RBM20: variants seen among roughly 807,000 people sequenced by gnomAD.
RBM20 encodes the protein RNA-binding protein 20.
A neutral mutation model predicts 110.1 loss-of-function variants in RBM20; 51 were observed. That is an observed-to-expected ratio of 0.46 (90% confidence interval 0.37 to 0.59). The LOEUF (loss-of-function observed/expected upper bound fraction) is 0.59. Ranked by LOEUF, RBM20 falls within the 20% of genes least tolerant of loss-of-function variation. The pLI is 0.00. For missense variants in RBM20, 1,512 were observed against 1,574.9 expected (o/e 0.96, Z 0.68); for synonymous variants, 589 against 618.2 (o/e 0.95, Z 0.70).
chr10:110,810,795 G>A (rs559041723), intron 8 of RBM20, among the ~76,000 whole-genome samples: 5 of 137,466 alleles, frequency 3.6e-5, no homozygotes, highest in East Asian at 2.1e-4. Flanking sequence ...AAAGTAATGC[G>A]TGTGTGTGTG....
rs574602364 is a variant in RBM20, at chr10:110,782,645, T to C, written c.1276-721T>C. ...GAGATGAGATGACTTACTCAGCCCC[T>C]TCTCCCCGCCACCTCCCCAGCTTGA... On this transcript the variant is annotated intron_variant, in intron 2 of 13. Coordinates refer to ENST00000369519, the MANE Select transcript of RBM20 (RefSeq NM_001134363.3). 6.6e-4 allele frequency among the ~76,000 whole-genome samples: 100 copies of C among 152,320 alleles called. 1 individual carries two copies. The highest frequency in any genetic ancestry group is 1.3e-3 in the Non-Finnish European group (86 of 68,028).
intron 1 of RBM20, among the ~76,000 whole-genome samples, chr10:110,664,695 C>T (rs1282705719): frequency 6.6e-6 from 1 of 151,768 alleles, no homozygotes; most frequent in Non-Finnish European, 1.5e-5. Flanking sequence ...TGCAGTGAGC[C>T]GAGATGGTGC....
intron 2 of RBM20, among the ~76,000 whole-genome samples, chr10:110,782,218 C>T (rs1426889604): frequency 4.6e-5 from 7 of 152,162 alleles, no homozygotes; most frequent in Non-Finnish European, 1.0e-4. Context: ...GGGCTTCTCC[C>T]CCGTAGTATG....
At chr10:110,833,916 C>G (rs554175590) in intron 13 of RBM20, among the ~76,000 whole-genome samples, 3 of 152,228 alleles carry the variant, frequency 2.0e-5, no homozygotes, top group East Asian at 1.9e-4. Context: ...CAGCCTCCCC[C>G]ACCCCAAGCA....
intron 1 of RBM20, among the ~76,000 whole-genome samples, chr10:110,678,199 A>C (rs976917917): frequency 6.6e-6 from 1 of 152,266 alleles, no homozygotes; most frequent in Non-Finnish European, 1.5e-5. Context: ...GGGAGTACTC[A>C]AAAGTTTATC....
chr10:110,769,201 C>G (rs1203084702), intron 1 of RBM20, among the ~76,000 whole-genome samples: 2 of 152,210 alleles, frequency 1.3e-5, no homozygotes, highest in Admixed American at 6.5e-5. Context: ...CAAGTAATTC[C>G]TAAGTGCCAC....
rs149517127 is a variant in RBM20 at position 110,736,084 on chromosome 10, A to G, written c.192-44717A>G. 3.4e-4 allele frequency among the ~76,000 whole-genome samples: 52 copies of G among 152,316 alleles called. 2 individuals carry two copies. The East Asian group carries it at 8.9e-3, about 26-fold the overall frequency. On this transcript the variant is annotated intron_variant, in intron 1 of 13. Transcript: ENST00000369519. ...TTGCCCAGAACATTCACACTTTCAGACCTGGAGATGAAACACAATTTTTTG... is the reference window on the plus strand; with the variant it reads ...TTGCCCAGAACATTCACACTTTCAGGCCTGGAGATGAAACACAATTTTTTG...
chr10:110,824,209 C>T (rs1844954034), intron 12 of RBM20, among the ~76,000 whole-genome samples: 1 of 152,184 alleles, frequency 6.6e-6, no homozygotes, highest in Non-Finnish European at 1.5e-5. Context: ...ATGCTTTATT[C>T]TTGATGACAT....
intron 1 of RBM20, among the ~76,000 whole-genome samples, chr10:110,779,514 G>A (rs1464554469): frequency 6.6e-6 from 1 of 152,154 alleles, no homozygotes; most frequent in Non-Finnish European, 1.5e-5. Flanking sequence ...CTCAGTTCTG[G>A]GAGCCTCTCT....
At chr10:110,756,057 C>T (rs1194755861) in intron 1 of RBM20, among the ~76,000 whole-genome samples, 1 of 152,202 alleles carries the variant, frequency 6.6e-6, no homozygotes, top group African/African-American at 2.4e-5. Flanking sequence ...CAGCGGATTC[C>T]TGACTGTGGC....
chr10:110,763,007 G>A (rs1209832493), intron 1 of RBM20, among the ~76,000 whole-genome samples: 1 of 152,206 alleles, frequency 6.6e-6, no homozygotes, highest in Admixed American at 6.5e-5. Flanking sequence ...GTCAGGAGCT[G>A]GGACTGGCGC....
rs59078794 is a variant in RBM20 at position 110,717,238 on chromosome 10, G to C, written c.192-63563G>C. Among the ~76,000 whole-genome samples the C allele has an allele frequency of 5.5e-3, 832 of 152,290 alleles. 12 individuals are homozygous for C. Among genetic ancestry groups the C allele is most frequent in the African/African-American group, 0.019 (774 of 41,554 alleles). On this transcript the variant is annotated intron_variant, in intron 1 of 13. Coordinates refer to ENST00000369519, the MANE Select transcript of RBM20 (RefSeq NM_001134363.3). The stretch of plus-strand genomic sequence containing the variant: ...ATGATGAGGCTGGTGAAGGTGGTCT[G>C]CAGTGACAGCCTTCATATTTAATTC...
chr10:110,700,072 T>G (rs931451089), intron 1 of RBM20, among the ~76,000 whole-genome samples: 4 of 152,188 alleles, frequency 2.6e-5, no homozygotes, highest in African/African-American at 9.7e-5. Flanking sequence ...ATTTCTGGAA[T>G]TTTCCATGTA....
chr10:110,787,357 C>T (rs994102530), intron 5 of RBM20, among the ~76,000 whole-genome samples: 2 of 152,222 alleles, frequency 1.3e-5, no homozygotes, highest in African/African-American at 4.8e-5. Context: ...ATATCAGGGA[C>T]AATGATTTGG....
At chr10:110,707,430 T>TA (rs949243053) in intron 1 of RBM20, among the ~76,000 whole-genome samples, 1 of 152,198 alleles carries the variant, frequency 6.6e-6, no homozygotes, top group East Asian at 1.9e-4. Context: ...AAATACACTT[T>TA]AAAAAAATGT....
Position 110,665,535 on chromosome 10 carries a change from G to T in RBM20, c.191+20890G>T, listed in dbSNP as rs533894093. On this transcript the variant is annotated intron_variant, in intron 1 of 13. Transcript: ENST00000369519. ...TTTTAAGAATCAAAATAGCAGGAGG[G>T]GTTATCTGTAGATTAAAAAGGACTT... is the stretch of plus-strand genomic sequence containing the variant. Among the ~76,000 whole-genome samples, 10 of 152,152 alleles carry T rather than the reference G, an allele frequency of 6.6e-5. No individual in the cohort carries two copies. In the East Asian group the frequency reaches 1.7e-3, roughly 26 times the overall value.
intron 1 of RBM20, among the ~76,000 whole-genome samples, chr10:110,661,476 C>T (rs1862101281): frequency 6.6e-6 from 1 of 152,210 alleles, no homozygotes; most frequent in African/African-American, 2.4e-5. Context: ...AAGATTGGAA[C>T]AACCGTGTGT....
chr10:110,765,597 T>C (rs903880223), intron 1 of RBM20, among the ~76,000 whole-genome samples: 10 of 152,200 alleles, frequency 6.6e-5, no homozygotes, highest in Non-Finnish European at 1.5e-4. Context: ...TGATGGTCTG[T>C]TAGCAGACTC....
chr10:110,835,715 C>T (rs1845117309), intron 13 of RBM20, 153 bp from the exon 14 acceptor site: 1 of 611,424 alleles, frequency 1.6e-6, no homozygotes. Context: ...GTTCTGTAGC[C>T]CCAGTGGGGA....
Sources: gnomAD v4.1 joint callset for allele counts (sites outside exome capture counted in the v4.1 genomes callset) on GRCh38, gnomAD v4.1.1 for gene constraint, MANE v1.5 for transcripts, NCBI Gene and HGNC (gene_info 2026-07-23, HGNC 2026-07-21) for gene names.